Variants in CTNND2 observed in about 807,000 individuals in gnomAD.
CTNND2 encodes the protein catenin delta-2.
In CTNND2, 22 loss-of-function variants were observed where a neutral mutation model predicts 144.4. The ratio of observed to expected loss-of-function variants is 0.15; its 90% CI spans 0.11 to 0.22. The LOEUF (loss-of-function observed/expected upper bound fraction) is 0.22. CTNND2 is among the 10% of genes least tolerant of loss of function. The pLI, the probability that CTNND2 is intolerant of heterozygous loss-of-function variation, is 1.00. For missense variants in CTNND2, 1,353 were observed against 1,618.8 expected, an observed-to-expected ratio of 0.84 and a Z score of 2.82; for synonymous variants, 751 against 695.6, an observed-to-expected ratio of 1.08 and a Z score of -1.25.
chr5:11,616,772 A>C (rs1780603341), intron 2 of CTNND2, among the ~76,000 whole-genome samples: 1 of 151,992 alleles, frequency 6.6e-6, no homozygotes, highest in African/African-American at 2.4e-5. Flanking sequence ...ACGCCCGGCT[A>C]AGTTTTGTAT....
intron 3 of CTNND2, among the ~76,000 whole-genome samples, chr5:11,559,963 C>A (rs1776556615): frequency 6.6e-6 from 1 of 152,198 alleles, no homozygotes; most frequent in South Asian, 2.1e-4. Flanking sequence ...GATTCCCCTG[C>A]CCCTTGCAGC....
At chr5:11,501,081 A>G (rs1047160808) in intron 3 of CTNND2, among the ~76,000 whole-genome samples, 6 of 152,164 alleles carry the variant, frequency 3.9e-5, no homozygotes, top group African/African-American at 1.4e-4. Flanking sequence ...AAAAGAGACT[A>G]CTCTAGTGGA....
chr5:11,167,694 C>T (rs1430804122), intron 11 of CTNND2, among the ~76,000 whole-genome samples: 2 of 149,546 alleles, frequency 1.3e-5, no homozygotes, highest in Admixed American at 6.7e-5. Flanking sequence ...AAGTCATATT[C>T]ACTTTTTTTT....
chr5:11,116,601 G>A (rs546354460), intron 13 of CTNND2, among the ~76,000 whole-genome samples: 1 of 152,142 alleles, frequency 6.6e-6, no homozygotes, highest in South Asian at 2.1e-4. Context: ...ATTCTATTCT[G>A]GCTTGTGAAC....
intron 7 of CTNND2, among the ~76,000 whole-genome samples, chr5:11,379,118 C>T (rs192147500): frequency 3.7e-4 from 57 of 152,204 alleles, no homozygotes; most frequent in Admixed American, 2.7e-3. Context: ...GCTACAAATC[C>T]CGAAAGTGAA....
chr5:11,135,827 G>C (rs372903230), intron 12 of CTNND2, among the ~76,000 whole-genome samples: 2 of 152,170 alleles, frequency 1.3e-5, no homozygotes, highest in African/African-American at 4.8e-5. Context: ...AGTGGGCTGT[G>C]GGTTACATGA....
intron 2 of CTNND2, among the ~76,000 whole-genome samples, chr5:11,705,716 T>C (rs1302845190): frequency 6.6e-6 from 1 of 152,208 alleles, no homozygotes. Flanking sequence ...TTGATCCTTT[T>C]TCTTCTATCC....
intron 15 of CTNND2, among the ~76,000 whole-genome samples, chr5:11,087,879 G>A (rs1267678414): frequency 6.6e-6 from 1 of 152,108 alleles, no homozygotes; most frequent in African/African-American, 2.4e-5. Flanking sequence ...TAATTTCCTG[G>A]GGGGAAAACA....
At chr5:11,453,582 T>C (rs752352139) in intron 3 of CTNND2, among the ~76,000 whole-genome samples, 4 of 152,210 alleles carry the variant, frequency 2.6e-5, no homozygotes, top group Non-Finnish European at 5.9e-5. Context: ...CCCAGAATCA[T>C]TAATGACAAA....
chr5:11,411,028 T>C (rs1011194673), intron 5 of CTNND2, among the ~76,000 whole-genome samples: 4 of 152,126 alleles, frequency 2.6e-5, no homozygotes. Flanking sequence ...CGCACCACCA[T>C]GCCTGGCTAG....
intron 1 of CTNND2, among the ~76,000 whole-genome samples, chr5:11,901,213 A>C (rs1737853922): frequency 6.6e-6 from 1 of 152,210 alleles, no homozygotes; most frequent in South Asian, 2.1e-4. Flanking sequence ...CCCTTCGACA[A>C]GTCCACACAA....
At chr5:11,243,293 C>T (rs1202964371) in intron 9 of CTNND2, among the ~76,000 whole-genome samples, 1 of 152,190 alleles carries the variant, frequency 6.6e-6, no homozygotes, top group Non-Finnish European at 1.5e-5. Context: ...GTCTCTGCAG[C>T]CTTGGGCTTG....
In CTNND2 at chr5:11,180,095, T is replaced by A. The variant is rs372847949; in HGVS notation, c.1975+19353A>T. Among the ~76,000 whole-genome samples, 29 of 152,216 alleles carry A rather than the reference T, an allele frequency of 1.9e-4. No homozygotes were observed. The East Asian group carries it at 3.9e-3, about 20-fold the overall frequency. On this transcript the variant is annotated intron_variant, in intron 11 of 21. Coordinates refer to ENST00000304623, the MANE Select transcript of CTNND2 (RefSeq NM_001332.4). Reference sequence around the variant, plus strand: ...ATCTCATCTCGAATTGTAAGCCCCATGTGTTGAGGGAGGGACCTGGTGGGA... The same window carrying A: ...ATCTCATCTCGAATTGTAAGCCCCAAGTGTTGAGGGAGGGACCTGGTGGGA...
chr5:11,245,437 G>A (rs1476650095), intron 9 of CTNND2, among the ~76,000 whole-genome samples: 2 of 152,140 alleles, frequency 1.3e-5, no homozygotes, highest in South Asian at 4.2e-4. Context: ...CTAAGAAGAG[G>A]GACGCAGAGG....
At chr5:11,452,030 T>C (rs1021025155) in intron 3 of CTNND2, among the ~76,000 whole-genome samples, 1 of 152,228 alleles carries the variant, frequency 6.6e-6, no homozygotes, top group Non-Finnish European at 1.5e-5. Flanking sequence ...CAAGGCATAA[T>C]TTTAAATTTT....
intron 1 of CTNND2, among the ~76,000 whole-genome samples, chr5:11,857,462 G>T (rs930601269): frequency 6.6e-6 from 1 of 152,196 alleles, no homozygotes; most frequent in African/African-American, 2.4e-5. Context: ...TCCTGCACGA[G>T]AGCCGGACAG....
chr5:11,692,725 C>T (rs974563823), intron 2 of CTNND2, among the ~76,000 whole-genome samples: 1 of 152,238 alleles, frequency 6.6e-6, no homozygotes, highest in Non-Finnish European at 1.5e-5. Context: ...CCTCAGCTTC[C>T]TGAGTAGCTG....
intron 1 of CTNND2, among the ~76,000 whole-genome samples, chr5:11,807,491 T>A (rs986714671): frequency 6.6e-6 from 1 of 152,162 alleles, no homozygotes; most frequent in Non-Finnish European, 1.5e-5. Context: ...AGTATTACAT[T>A]AGCAAATGTG....
chr5:11,723,396 C>T (rs535778214), intron 2 of CTNND2, among the ~76,000 whole-genome samples: 35 of 152,118 alleles, frequency 2.3e-4, no homozygotes, highest in Non-Finnish European at 4.0e-4. Flanking sequence ...AATTTGGGGG[C>T]CTAGGATTCA....
Sources: gnomAD v4.1 joint callset for allele counts (sites outside exome capture counted in the v4.1 genomes callset) on GRCh38, gnomAD v4.1.1 for gene constraint, MANE v1.5 for transcripts, NCBI Gene and HGNC (gene_info 2026-07-23, HGNC 2026-07-21) for gene names.